PCDH17: variants seen among roughly 807,000 people sequenced by gnomAD.
The protein encoded by PCDH17 is protocadherin 17.
In PCDH17, 21 loss-of-function variants were observed where a neutral mutation model predicts 67.7. The ratio of observed to expected loss-of-function variants is 0.31; its 90% CI spans 0.22 to 0.45. The LOEUF is 0.45. PCDH17 is among the 20% of genes least tolerant of loss of function. The probability of loss-of-function intolerance (pLI) is 1.00; values close to 1 mark genes in which losing one functional copy is unlikely to be tolerated. For synonymous variants in PCDH17, 701 were observed against 656.7 expected (o/e 1.07, Z -1.03); for missense variants, 1,471 against 1,564.8 (o/e 0.94, Z 1.01).
chr13:57,691,021 A>G (rs983285715), intron 3 of PCDH17, among the ~76,000 whole-genome samples: 2 of 151,478 alleles, frequency 1.3e-5, no homozygotes. Context: ...TTACAGCCTC[A>G]GAATAGTGTC....
intron 1 of PCDH17, among the ~76,000 whole-genome samples, chr13:57,647,189 T>A (rs1246530430): frequency 6.6e-6 from 1 of 151,880 alleles, no homozygotes; most frequent in East Asian, 1.9e-4. Context: ...TACTTTTTAG[T>A]CTTTATATCA....
intron 3 of PCDH17, among the ~76,000 whole-genome samples, chr13:57,677,169 G>C (rs1356615855): frequency 6.6e-6 from 1 of 151,782 alleles, no homozygotes; most frequent in Admixed American, 6.6e-5. Context: ...TGCTCACATA[G>C]AGCTTACATT....
Position 57,634,139 on chromosome 13 carries a change from C to T in PCDH17, c.1593C>T (p.Asn531=), listed in dbSNP as rs376128083. Residue 531 remains asparagine (N), a synonymous_variant, in exon 1 of 4, where the codon AAC becomes AAT. Transcript: ENST00000377918. The surrounding 1 kb of genome is among the most constrained non-coding windows in gnomAD (Gnocchi z 7.8). ...CCTATGTGTCTGTGAATCCCACGAACGGGGCCATCTACGCCCTGCGCTCCT... is the reference window on the plus strand; with the variant it reads ...CCTATGTGTCTGTGAATCCCACGAATGGGGCCATCTACGCCCTGCGCTCCT... ...IYTYVSVNPT[N]GAIYALRSFN... The T allele has an allele frequency of 2.8e-5, 45 of 1,613,582 alleles. No individual in the cohort carries two copies. In the East Asian group the frequency reaches 8.0e-4, roughly 29 times the overall value.
chr13:57,721,562 A>C (rs527934809), intron 3 of PCDH17, among the ~76,000 whole-genome samples: 1 of 152,250 alleles, frequency 6.6e-6, no homozygotes, highest in African/African-American at 2.4e-5. Context: ...TATTATACAC[A>C]CTTAACTTAT....
intron 3 of PCDH17, among the ~76,000 whole-genome samples, chr13:57,717,597 G>A (rs1361173118): frequency 6.6e-6 from 1 of 151,948 alleles, no homozygotes; most frequent in Non-Finnish European, 1.5e-5. Context: ...TTATGATATA[G>A]GACAGTGATT....
rs373560720 is a variant in PCDH17, at chr13:57,666,622, G to A, written c.2625-39G>A. On this transcript the variant is annotated intron_variant, in intron 2 of 3. Transcript: ENST00000377918. ...TACACTTCAGATTCAAACTAGTAGA[G>A]ACAACACTTTCTCTTCTTTTTCTTT... The A allele has an allele frequency of 5.6e-6, 9 of 1,607,452 alleles. No individual in the cohort carries two copies. The African/African-American group carries it at 1.1e-4, about 19-fold the overall frequency.
intron 3 of PCDH17, among the ~76,000 whole-genome samples, chr13:57,707,374 C>G (rs1228877442): frequency 8.7e-6 from 1 of 114,720 alleles, no homozygotes; most frequent in East Asian, 3.8e-4. Context: ...TGTGTGTGTT[C>G]ATAATAAAAG....
At chr13:57,671,747 C>G (rs1434857295) in intron 3 of PCDH17, among the ~76,000 whole-genome samples, 2 of 152,030 alleles carry the variant, frequency 1.3e-5, no homozygotes, top group African/African-American at 4.8e-5. Context: ...TATCAGCTTT[C>G]TGCTATCTTT....
chr13:57,650,336 G>A (rs1033837322), intron 1 of PCDH17, among the ~76,000 whole-genome samples: 2 of 150,302 alleles, frequency 1.3e-5, no homozygotes, highest in African/African-American at 2.4e-5. Context: ...TGAGATTCAG[G>A]CACGGCTGGT....
chr13:57,631,496 CT>C (rs1954719478), upstream of PCDH17, among the ~76,000 whole-genome samples: 1 of 152,184 alleles, frequency 6.6e-6, no homozygotes, highest in African/African-American at 2.4e-5. Context: ...GAGAGAAGTC[CT>C]TGCTCGCGGG....
Position 57,727,099 on chromosome 13 carries a change from A to G in PCDH17, c.*1805A>G, listed in dbSNP as rs1358920475. 2 of 152,594 alleles carry G rather than the reference A, an allele frequency of 1.3e-5. No homozygotes were observed. Among genetic ancestry groups the G allele is most frequent in the Non-Finnish European group, 1.5e-5 (1 of 68,008 alleles). The allele number at this position is 152,594 out of a possible 1,614,324, so 9.5% of individuals were successfully genotyped here. A position where few individuals can be genotyped will look rare whatever the true frequency, so the allele number is the denominator to read the frequency against. ...GAAACCTCAAATTTCAGGAATTGGG[A>G]AAAATAAAATTAGCACTTGCAGAAG... On this transcript the variant is annotated 3_prime_UTR_variant, in exon 4 of 4. Coordinates refer to ENST00000377918, the MANE Select transcript of PCDH17 (RefSeq NM_001040429.3).
chr13:57,662,929 T>G (rs1437042603), intron 1 of PCDH17, among the ~76,000 whole-genome samples: 1 of 152,126 alleles, frequency 6.6e-6, no homozygotes, highest in African/African-American at 2.4e-5. Context: ...TATCTAATTT[T>G]TTATTACCTT....
intron 3 of PCDH17, among the ~76,000 whole-genome samples, chr13:57,672,956 A>C (rs1955341554): frequency 6.6e-6 from 1 of 152,030 alleles, no homozygotes; most frequent in African/African-American, 2.4e-5. Context: ...TCACCAGACC[A>C]AGTCTAAATT....
intron 3 of PCDH17, among the ~76,000 whole-genome samples, chr13:57,668,837 T>TTA (rs1374269671): frequency 7.2e-5 from 11 of 151,844 alleles, no homozygotes; most frequent in South Asian, 2.1e-4. Flanking sequence ...AAAGCATGAT[T>TTA]TATATATATA....
chr13:57,674,362 T>C (rs1239379237), intron 3 of PCDH17, among the ~76,000 whole-genome samples: 2 of 152,032 alleles, frequency 1.3e-5, no homozygotes, highest in Non-Finnish European at 2.9e-5. Flanking sequence ...GGTCTCGTTC[T>C]GTTGCCCATG....
chr13:57,700,041 C>T lies in PCDH17; in HGVS notation c.2798-24571C>T, dbSNP rs375205946. Reference sequence around the variant, plus strand: ...CTGTCATAATTATTAATAGCAGTTCCTATCACTTTCAAAATTGCCGTGGTT... The same window carrying T: ...CTGTCATAATTATTAATAGCAGTTCTTATCACTTTCAAAATTGCCGTGGTT... On this transcript the variant is annotated intron_variant, in intron 3 of 3. Transcript: ENST00000377918. Among the ~76,000 whole-genome samples, 3 of 151,980 alleles carry T rather than the reference C, an allele frequency of 2.0e-5. No homozygotes were observed. The East Asian group carries it at 5.8e-4, about 29-fold the overall frequency.
chr13:57,679,733 T>A (rs9316941), intron 3 of PCDH17, among the ~76,000 whole-genome samples: 8,370 of 151,582 alleles, frequency 0.055, 303 homozygotes, highest in Non-Finnish European at 0.086. Flanking sequence ...TATACAGATA[T>A]CTGACCTTTT....
intron 1 of PCDH17, among the ~76,000 whole-genome samples, chr13:57,643,738 C>G (rs945162988): frequency 1.3e-4 from 19 of 151,630 alleles, no homozygotes; most frequent in Non-Finnish European, 2.2e-4. Context: ...AACTTACCTT[C>G]CCATTGTTTC....
intron 3 of PCDH17, among the ~76,000 whole-genome samples, chr13:57,683,027 T>G (rs574038865): frequency 6.6e-6 from 1 of 151,944 alleles, no homozygotes; most frequent in African/African-American, 2.4e-5. Flanking sequence ...ATAGAGGAAA[T>G]AACCATTCTA....
Sources: allele counts gnomAD v4.1 joint callset (sites outside exome capture counted in the v4.1 genomes callset), GRCh38; gene constraint gnomAD v4.1.1; non-coding constraint Gnocchi (gnomAD v3.1); transcripts MANE v1.5; gene names NCBI Gene and HGNC (gene_info 2026-07-23, HGNC 2026-07-21).